VAV3: variants seen among roughly 807,000 people sequenced by gnomAD.
VAV3 encodes the protein guanine nucleotide exchange factor VAV3.
Under a neutral mutation model 131.2 loss-of-function variants are expected in VAV3, and 94 were observed. The observed-to-expected ratio is 0.72, with a 90% CI of 0.61 to 0.85. VAV3 has a LOEUF of 0.85. VAV3 is among the 40% of genes least tolerant of loss of function. The pLI is 0.00. For synonymous variants in VAV3, 349 were observed against 342.0 expected, an observed-to-expected ratio of 1.02 and a Z score of -0.22; for missense variants, 939 against 1,002.7, an observed-to-expected ratio of 0.94 and a Z score of 0.86.
chr1:107,753,513 C>CATATATATATATACGTATATATAT (rs1663888771), intron 12 of VAV3, among the ~76,000 whole-genome samples: 2 of 80,626 alleles, frequency 2.5e-5, no homozygotes, highest in Non-Finnish European at 5.4e-5. Flanking sequence ...TATATACACA[C>CATATATATATATACGTATATATAT]ATATATATAT....
In VAV3 at chr1:107,574,174, A is replaced by G; in HGVS notation, c.2375T>C (p.Ile792Thr). Residue 792 changes from isoleucine (I) to threonine (T), a missense_variant, in exon 26 of 27, where the codon ATT (isoleucine) becomes ACT (threonine). Transcript: ENST00000370056. ...NSLLSPKVLG[I>T]AIARYDFCAR... Reference sequence around the variant, plus strand: ...ACAGAAGTCATACCGAGCGATGGCAATGCCCAGCACTTTTGGACTTAACAC... The same window carrying G: ...ACAGAAGTCATACCGAGCGATGGCAGTGCCCAGCACTTTTGGACTTAACAC... 6.2e-7 allele frequency: 1 copy of G among 1,613,912 alleles called. No individual in the cohort carries two copies. The highest frequency in any genetic ancestry group is 8.5e-7 in the Non-Finnish European group (1 of 1,179,936).
At chr1:107,715,951 C>T (rs937936423) in intron 15 of VAV3, among the ~76,000 whole-genome samples, 2 of 152,066 alleles carry the variant, frequency 1.3e-5, no homozygotes, top group Non-Finnish European at 2.9e-5. Flanking sequence ...GATCTAGAAG[C>T]ATACGGAGAT....
chr1:107,946,054 G>A (rs1674248225), intron 1 of VAV3, among the ~76,000 whole-genome samples: 1 of 151,982 alleles, frequency 6.6e-6, no homozygotes. Context: ...CCAAGCATGG[G>A]GAAGCATTCT....
chr1:107,694,728 C>G (rs1659644682), intron 17 of VAV3, among the ~76,000 whole-genome samples: 1 of 152,142 alleles, frequency 6.6e-6, no homozygotes, highest in African/African-American at 2.4e-5. Flanking sequence ...CCCAGAAGCC[C>G]TGCTACACTA....
intron 2 of VAV3, among the ~76,000 whole-genome samples, chr1:107,865,390 T>C (rs75458126): frequency 0.016 from 2,425 of 152,134 alleles, 47 homozygotes; most frequent in African/African-American, 0.045. Context: ...TTTTAAGCAG[T>C]GTGTGTATGA....
chr1:107,898,343 T>C (rs1671702233), intron 1 of VAV3, among the ~76,000 whole-genome samples: 1 of 152,116 alleles, frequency 6.6e-6, no homozygotes, highest in African/African-American at 2.4e-5. Flanking sequence ...ATATGAAAAA[T>C]AAATGTTTTT....
chr1:107,574,431 A>G (rs1448203440), intron 25 of VAV3, among the ~76,000 whole-genome samples: 1 of 152,242 alleles, frequency 6.6e-6, no homozygotes, highest in Non-Finnish European at 1.5e-5. Context: ...TCCATTCTTC[A>G]TAAGAACCTC....
chr1:107,948,733 C>T (rs569746259), intron 1 of VAV3, among the ~76,000 whole-genome samples: 2 of 152,172 alleles, frequency 1.3e-5, no homozygotes, highest in South Asian at 4.1e-4. Context: ...ATCCCAGCTA[C>T]TCAGGAGGAG....
At chr1:107,607,308 G>A (rs1411659788) in intron 22 of VAV3, among the ~76,000 whole-genome samples, 1 of 152,010 alleles carries the variant, frequency 6.6e-6, no homozygotes, top group African/African-American at 2.4e-5. Context: ...CCAAAGGTCT[G>A]GATTTTAGAT....
chr1:107,786,296 C>T (rs753043956), intron 2 of VAV3, among the ~76,000 whole-genome samples: 1 of 152,002 alleles, frequency 6.6e-6, no homozygotes, highest in African/African-American at 2.4e-5. Context: ...AAAAGTGAAA[C>T]TACAGAGAAC....
At chr1:107,922,890 T>C (rs1410393462) in intron 1 of VAV3, among the ~76,000 whole-genome samples, 5 of 149,876 alleles carry the variant, frequency 3.3e-5, no homozygotes, top group African/African-American at 1.2e-4. Context: ...AGGCGGAGCT[T>C]GCAGTGAGCC....
chr1:107,910,135 G>T (rs1314456131), intron 1 of VAV3, among the ~76,000 whole-genome samples: 3 of 152,112 alleles, frequency 2.0e-5, no homozygotes, highest in African/African-American at 7.2e-5. Flanking sequence ...ACTTGAAGAG[G>T]TTATTCTGAA....
intron 2 of VAV3, among the ~76,000 whole-genome samples, chr1:107,827,453 A>G (rs1355211670): frequency 6.6e-6 from 1 of 152,190 alleles, no homozygotes; most frequent in East Asian, 1.9e-4. Context: ...TAGTTCATTT[A>G]GATGGATTTA....
chr1:107,900,645 T>C (rs555220183), intron 1 of VAV3, among the ~76,000 whole-genome samples: 64 of 152,298 alleles, frequency 4.2e-4, no homozygotes, highest in African/African-American at 1.4e-3. Context: ...AACTGAAGCA[T>C]GCTAAAATAA....
At chr1:107,848,701 G>A (rs1375032997) in intron 2 of VAV3, among the ~76,000 whole-genome samples, 4 of 152,016 alleles carry the variant, frequency 2.6e-5, no homozygotes, top group Admixed American at 6.6e-5. Context: ...CCTATTCAAA[G>A]CAATATTGGA....
rs748632870 is a variant in VAV3 at position 107,704,589 on chromosome 1, A to G, written c.1666T>C (p.Leu556=). The G allele has an allele frequency of 6.2e-6, 10 of 1,613,888 alleles. No homozygotes were observed. The African/African-American group carries it at 1.3e-4, about 22-fold the overall frequency. Residue 556 remains leucine, a synonymous_variant, in exon 17 of 27, where the codon TTG becomes CTG. Transcript: ENST00000370056. ...KCGARAHKEC[L]GRVDNCGRVN... is the part of the protein sequence containing the mutation. Reference sequence around the variant, plus strand: ...CTGCCACAATTGTCTACTCTTCCCAAACATTCTTTGTGTGCTCTCGCTCCA... The same window carrying G: ...CTGCCACAATTGTCTACTCTTCCCAGACATTCTTTGTGTGCTCTCGCTCCA...
chr1:107,753,499 C>CACACATATATATACACACAT (rs1663875350), intron 12 of VAV3, among the ~76,000 whole-genome samples: 2 of 95,508 alleles, frequency 2.1e-5, no homozygotes, highest in Non-Finnish European at 4.6e-5. Flanking sequence ...TATATACACA[C>CACACATATATATACACACAT]ATATATATAC....
At chr1:107,925,497 T>C (rs1177569395) in intron 1 of VAV3, among the ~76,000 whole-genome samples, 1 of 152,218 alleles carries the variant, frequency 6.6e-6, no homozygotes, top group Non-Finnish European at 1.5e-5. Flanking sequence ...TATTCAACCT[T>C]AAATTTCAGG....
chr1:107,866,612 T>C (rs1250188200), intron 2 of VAV3, among the ~76,000 whole-genome samples: 3 of 142,754 alleles, frequency 2.1e-5, no homozygotes, highest in Non-Finnish European at 4.6e-5. Context: ...AGGTCAGGAG[T>C]TCAAGCAAGA....
Sources: gnomAD v4.1 joint callset for allele counts (sites outside exome capture counted in the v4.1 genomes callset) on GRCh38, gnomAD v4.1.1 for gene constraint, MANE v1.5 for transcripts, NCBI Gene and HGNC (gene_info 2026-07-23, HGNC 2026-07-21) for gene names.